CD200R1L: variants seen among roughly 807,000 people sequenced by gnomAD.
CD200R1L encodes CD200 receptor 1 like.
A neutral mutation model predicts 24.8 loss-of-function variants in CD200R1L; 14 were observed. The ratio of observed to expected loss-of-function variants is 0.56; its 90% CI spans 0.37 to 0.88. The LOEUF is 0.88. Among genes scored for constraint, CD200R1L ranks in the 40% least tolerant of loss-of-function variants. CD200R1L has a pLI of 0.00. For synonymous variants in CD200R1L, 111 were observed against 109.2 expected, an observed-to-expected ratio of 1.02 and a Z score of -0.11; for missense variants, 299 against 297.8, an observed-to-expected ratio of 1.00 and a Z score of -0.03.
intron 6 of CD200R1L, among the ~76,000 whole-genome samples, chr3:112,823,974 C>G (rs960559279): frequency 2.0e-5 from 3 of 152,098 alleles, no homozygotes; most frequent in Non-Finnish European, 4.4e-5. Context: ...TAAGAGAGGC[C>G]ACTGGGGTTA....
At chr3:112,824,732 C>A (rs557578979) in intron 6 of CD200R1L, among the ~76,000 whole-genome samples, 1 of 152,266 alleles carries the variant, frequency 6.6e-6, no homozygotes, top group East Asian at 1.9e-4. Context: ...CAGTGCCAAG[C>A]AGTCAATTAC....
At chr3:112,843,823 AAC>A (rs138532739) in intron 2 of CD200R1L, among the ~76,000 whole-genome samples, 3,614 of 152,258 alleles carry the variant, frequency 0.024, 151 homozygotes, top group African/African-American at 0.082. Flanking sequence ...CAGACCTAAC[AAC>A]ACACACAGGC....
intron 3 of CD200R1L, among the ~76,000 whole-genome samples, chr3:112,836,475 T>C (rs1187994069): frequency 2.0e-5 from 3 of 152,202 alleles, no homozygotes; most frequent in Admixed American, 1.3e-4. Context: ...TGTAAATCAT[T>C]AAATATGCAT....
intron 3 of CD200R1L, among the ~76,000 whole-genome samples, chr3:112,836,211 A>C (rs1938940913): frequency 1.3e-5 from 2 of 152,196 alleles, no homozygotes; most frequent in East Asian, 3.9e-4. Context: ...GACACGGAGC[A>C]CAGAGGTCCC....
chr3:112,817,561 G>C (rs1207577430), intron 7 of CD200R1L, among the ~76,000 whole-genome samples: 1 of 152,174 alleles, frequency 6.6e-6, no homozygotes, highest in Non-Finnish European at 1.5e-5. Context: ...GAGAAGGGCA[G>C]AGCCATAAGA....
intron 6 of CD200R1L, among the ~76,000 whole-genome samples, chr3:112,825,075 A>G (rs940403312): frequency 4.6e-5 from 7 of 152,050 alleles, no homozygotes; most frequent in African/African-American, 7.2e-5. Flanking sequence ...GTCTCTACAA[A>G]AAAATACAAA....
Position 112,827,625 on chromosome 3 carries a change from C to T in CD200R1L, c.109G>A (p.Ala37Thr), listed in dbSNP as rs374244518. ...GTTATTATGATCAAATTTCTTAATG[C>T]GATAGGAGGGCAACAAAGCACAGCA... ...INAVLCCPPI[A>T]LRNLIIITWE... Residue 37 changes from alanine (A) to threonine (T), a missense_variant, in exon 5 of 8, where the codon GCA becomes ACA. By Grantham distance (58) the Ala-to-Thr change is moderately conservative. Transcript: ENST00000488794. The T allele has an allele frequency of 2.0e-5, 32 of 1,613,690 alleles. No homozygotes were observed. Among genetic ancestry groups the T allele is most frequent in the African/African-American group, 1.6e-4 (12 of 74,840 alleles).
chr3:112,833,480 G>A (rs1360326058), intron 3 of CD200R1L, among the ~76,000 whole-genome samples: 1 of 152,190 alleles, frequency 6.6e-6, no homozygotes, highest in South Asian at 2.1e-4. Flanking sequence ...GGACCCTGGT[G>A]AAGACTGAGC....
intron 3 of CD200R1L, among the ~76,000 whole-genome samples, chr3:112,831,739 C>T (rs899000662): frequency 1.3e-5 from 2 of 152,168 alleles, no homozygotes; most frequent in African/African-American, 2.4e-5. Flanking sequence ...CAGATCCTTT[C>T]GTAGTGCCTT....
At chr3:112,834,032 T>A (rs1336932025) in intron 3 of CD200R1L, among the ~76,000 whole-genome samples, 1 of 152,146 alleles carries the variant, frequency 6.6e-6, no homozygotes, top group African/African-American at 2.4e-5. Flanking sequence ...GGTAGAGGCA[T>A]GTGGATGCAT....
intron 7 of CD200R1L, chr3:112,818,837 G>A (rs754621376): frequency 1.3e-5 from 2 of 154,422 alleles, no homozygotes; most frequent in Non-Finnish European, 2.9e-5. Flanking sequence ...CAGGCACGAA[G>A]CTTTTGCATG....
rs543913711 is a variant in CD200R1L, at chr3:112,842,306, T to C, written c.-87+3373A>G. Among the ~76,000 whole-genome samples, 4 of 152,326 alleles carry C rather than the reference T, an allele frequency of 2.6e-5. No individual in the cohort carries two copies. In the South Asian group the frequency reaches 8.3e-4, roughly 32 times the overall value. On this transcript the variant is annotated intron_variant, in intron 2 of 7. Coordinates refer to ENST00000488794, the MANE Select transcript of CD200R1L (RefSeq NM_001199215.3). ...GGCAGAGGAACATAAACTGTGAAGA[T>C]TTCATGGACATTTATCAGTTCCCAA...
intron 3 of CD200R1L, among the ~76,000 whole-genome samples, chr3:112,833,187 A>T (rs1576093933): frequency 6.6e-6 from 1 of 152,242 alleles, no homozygotes; most frequent in South Asian, 2.1e-4. Flanking sequence ...CATATTTGCG[A>T]TTACTGCTCT....
In CD200R1L at chr3:112,837,965, C is replaced by A; in HGVS notation, c.-41G>T. ...ACCTTCATTAAGACGTATTCTCTAACTTTGTATTTCCAGTTGTGTCATCAG... is the reference window on the plus strand; with the variant it reads ...ACCTTCATTAAGACGTATTCTCTAAATTTGTATTTCCAGTTGTGTCATCAG... On this transcript the variant is annotated 5_prime_UTR_variant, in exon 3 of 8. Coordinates refer to ENST00000488794, the MANE Select transcript of CD200R1L (RefSeq NM_001199215.3). 1 of 1,243,082 alleles carries A rather than the reference C, an allele frequency of 8.0e-7. No homozygotes were observed. The highest frequency in any genetic ancestry group is 1.0e-6 in the Non-Finnish European group (1 of 969,448). 77.0% of individuals were successfully genotyped at this position (1,243,082 alleles called of 1,614,324 possible). A position where few individuals can be genotyped will look rare whatever the true frequency, so the allele number is the denominator to read the frequency against.
In CD200R1L at chr3:112,818,446, A is replaced by G. The variant is rs907984550; in HGVS notation, c.740+1326T>C. Among the ~76,000 whole-genome samples, 8 of 152,264 alleles carry G rather than the reference A, an allele frequency of 5.3e-5. No homozygotes were observed. The East Asian group carries it at 5.8e-4, about 11-fold the overall frequency. ...TTGAGATCAACTTACAATTTCTGCT[A>G]AAATGCAAATACTGCTAAAAATGAC... is the stretch of plus-strand genomic sequence containing the variant. On this transcript the variant is annotated intron_variant, in intron 7 of 7. Coordinates refer to ENST00000488794, the MANE Select transcript of CD200R1L (RefSeq NM_001199215.3).
At chr3:112,822,797 G>A (rs1416877866) in intron 6 of CD200R1L, among the ~76,000 whole-genome samples, 1 of 152,218 alleles carries the variant, frequency 6.6e-6, no homozygotes, top group Non-Finnish European at 1.5e-5. Flanking sequence ...TAAACAAGCA[G>A]CTATGACCTA....
At chr3:112,842,517 AT>A (rs2107354896) in intron 2 of CD200R1L, among the ~76,000 whole-genome samples, 1 of 152,278 alleles carries the variant, frequency 6.6e-6, no homozygotes, top group African/African-American at 2.4e-5. Flanking sequence ...AATAACAGTA[AT>A]TTTTAGGGAA....
chr3:112,835,761 G>A (rs1457348837), intron 3 of CD200R1L, among the ~76,000 whole-genome samples: 2 of 152,186 alleles, frequency 1.3e-5, no homozygotes, highest in Non-Finnish European at 2.9e-5. Context: ...CATGCTTATT[G>A]GTGCCCAAAG....
In CD200R1L at chr3:112,819,909, CA is replaced by C. The variant is rs758591782; in HGVS notation, c.617-15del. 3.7e-5 allele frequency: 58 copies of C among 1,561,212 alleles called. No individual in the cohort carries two copies. The highest frequency in any genetic ancestry group is 3.5e-4 in the African/African-American group (25 of 71,770). The stretch of plus-strand genomic sequence containing the variant: ...AGGTTCTGAGACCTTTAAATACAGA[CA>C]GGGGTGAAAAATCATTTCAAGCATT... On this transcript the variant is annotated splice_polypyrimidine_tract_variant and intron_variant, in intron 6 of 7. Transcript: ENST00000488794.
Sources: allele counts gnomAD v4.1 joint callset (sites outside exome capture counted in the v4.1 genomes callset), GRCh38; gene constraint gnomAD v4.1.1; transcripts MANE v1.5; gene names NCBI Gene and HGNC (gene_info 2026-07-23, HGNC 2026-07-21).